The following FBXL13 variants were observed in gnomAD, a reference collection of about 807,000 sequenced individuals.
FBXL13 encodes the protein F-box and leucine-rich repeat protein 13.
A neutral mutation model predicts 83.6 loss-of-function variants in FBXL13; 67 were observed. The ratio of observed to expected loss-of-function variants is 0.80; its 90% CI spans 0.66 to 0.98. The LOEUF (loss-of-function observed/expected upper bound fraction) is 0.98, where lower values mean the gene tolerates loss of function less well. Ranked by LOEUF, FBXL13 falls within the 50% of genes least tolerant of loss-of-function variation. The pLI is 0.00. For missense variants in FBXL13, 822 were observed against 866.5 expected, an observed-to-expected ratio of 0.95 and a Z score of 0.64; for synonymous variants, 272 against 299.5, an observed-to-expected ratio of 0.91 and a Z score of 0.95.
chr7:102,960,667 A>C (rs1051298940), intron 8 of FBXL13, among the ~76,000 whole-genome samples: 5 of 152,192 alleles, frequency 3.3e-5, no homozygotes, highest in Non-Finnish European at 7.3e-5. Context: ...CTGGGATGCA[A>C]GGCTGGTTCA....
intron 2 of FBXL13, among the ~76,000 whole-genome samples, chr7:103,034,975 T>C (rs1794930726): frequency 6.6e-6 from 1 of 152,186 alleles, no homozygotes; most frequent in Admixed American, 6.5e-5. Context: ...AATTAAAAGT[T>C]TAAGTATTGC....
At chr7:102,944,635 T>C in intron 8 of FBXL13, 1 of 1,549,972 alleles carries the variant, frequency 6.5e-7, no homozygotes, top group Non-Finnish European at 8.7e-7. Context: ...TTGTAATTAG[T>C]TTTGTATTTT....
At chr7:103,054,868 C>G (rs920187588) in intron 2 of FBXL13, among the ~76,000 whole-genome samples, 1 of 152,008 alleles carries the variant, frequency 6.6e-6, no homozygotes, top group African/African-American at 2.4e-5. Context: ...AGAGAAGGAA[C>G]AAATGCCTTT....
intron 6 of FBXL13, among the ~76,000 whole-genome samples, chr7:103,021,438 CT>C: frequency 6.6e-6 from 1 of 152,136 alleles, no homozygotes; most frequent in East Asian, 1.9e-4. Context: ...GACTTCATGT[CT>C]AAAACACTAA....
upstream of FBXL13, chr7:103,074,666 T>C (rs1183927744): frequency 7.8e-7 from 1 of 1,285,362 alleles, no homozygotes; most frequent in South Asian, 1.2e-5. Context: ...CCACCGACGG[T>C]CTGTGTCCGC....
intron 14 of FBXL13, among the ~76,000 whole-genome samples, chr7:102,881,361 CA>C (rs1490789692): frequency 6.8e-6 from 1 of 146,512 alleles, no homozygotes; most frequent in Non-Finnish European, 1.5e-5. Context: ...CATTTGAACC[CA>C]ACAGGCAGAG....
intron 11 of FBXL13, among the ~76,000 whole-genome samples, chr7:102,910,807 G>A (rs986453480): frequency 1.3e-5 from 2 of 152,184 alleles, no homozygotes; most frequent in African/African-American, 4.8e-5. Context: ...CTCCCAGGCT[G>A]GAACGCAGTG....
At chr7:102,995,278 G>A (rs566828425) in intron 6 of FBXL13, among the ~76,000 whole-genome samples, 2 of 151,694 alleles carry the variant, frequency 1.3e-5, no homozygotes, top group Admixed American at 6.6e-5. Context: ...TCAGGAGATC[G>A]AGACCATTAT....
At chr7:103,060,121 G>A (rs1797767462) in intron 1 of FBXL13, among the ~76,000 whole-genome samples, 1 of 139,208 alleles carries the variant, frequency 7.2e-6, no homozygotes, top group South Asian at 2.3e-4. Flanking sequence ...GAGTGCAGTA[G>A]CACAATCAAC....
At chr7:102,848,671 C>G (rs17136106) in intron 17 of FBXL13, among the ~76,000 whole-genome samples, 4,640 of 141,272 alleles carry the variant, frequency 0.033, 201 homozygotes, top group East Asian at 0.18. Context: ...AAAGAGGAAT[C>G]AGAAATGCAA....
chr7:102,853,186 G>A (rs1275961878), intron 17 of FBXL13, among the ~76,000 whole-genome samples: 1 of 152,128 alleles, frequency 6.6e-6, no homozygotes, highest in Non-Finnish European at 1.5e-5. Context: ...AGGGTGGGAA[G>A]TGAGTGAGGA....
chr7:103,063,371 T>C (rs1395315754), intron 1 of FBXL13, among the ~76,000 whole-genome samples: 2 of 152,238 alleles, frequency 1.3e-5, no homozygotes, highest in Non-Finnish European at 2.9e-5. Context: ...AATCTAAAGA[T>C]GATTTAAAGT....
chr7:103,013,934 T>A (rs548548688), intron 6 of FBXL13, among the ~76,000 whole-genome samples: 8 of 151,492 alleles, frequency 5.3e-5, no homozygotes, highest in Admixed American at 2.0e-4. Flanking sequence ...ATAAACACAA[T>A]CAGAAATGGC....
intron 11 of FBXL13, among the ~76,000 whole-genome samples, chr7:102,906,089 G>A (rs917396248): frequency 6.6e-6 from 1 of 152,028 alleles, no homozygotes. Context: ...ATGCAAAAGC[G>A]GAAGCCCCTG....
chr7:102,939,534 G>A, intron 8 of FBXL13: 4 of 1,614,004 alleles, frequency 2.5e-6, no homozygotes, highest in East Asian at 4.5e-5. Context: ...AGATGTTCAT[G>A]AGCTGAAGAA....
chr7:103,058,191 G>A (rs1227609253), intron 1 of FBXL13, among the ~76,000 whole-genome samples: 1 of 152,084 alleles, frequency 6.6e-6, no homozygotes, highest in Non-Finnish European at 1.5e-5. Context: ...CAGCCTTCAA[G>A]CAGGAAGCTC....
intron 10 of FBXL13, among the ~76,000 whole-genome samples, chr7:102,920,947 T>C (rs1043769838): frequency 4.6e-5 from 7 of 151,296 alleles, no homozygotes; most frequent in Non-Finnish European, 8.9e-5. Context: ...AGGTCAGGAG[T>C]TCGAGACCGG....
intron 2 of FBXL13, among the ~76,000 whole-genome samples, chr7:103,030,531 T>C (rs1794396069): frequency 6.6e-6 from 1 of 152,162 alleles, no homozygotes; most frequent in Non-Finnish European, 1.5e-5. Context: ...TCACTAACAT[T>C]ACAATTTTTC....
chr7:103,067,633 G>A (rs1798526188), intron 1 of FBXL13, among the ~76,000 whole-genome samples: 1 of 152,172 alleles, frequency 6.6e-6, no homozygotes. Context: ...TCAGTCTCAG[G>A]AGAGGTCCTC....
Sources: gnomAD v4.1 joint callset for allele counts (sites outside exome capture counted in the v4.1 genomes callset) on GRCh38, gnomAD v4.1.1 for gene constraint, MANE v1.5 for transcripts, NCBI Gene and HGNC (gene_info 2026-07-23, HGNC 2026-07-21) for gene names.